The following CDC42 variants were observed in gnomAD, a reference collection of about 807,000 sequenced individuals.
CDC42 encodes cell division cycle 42.
A neutral mutation model predicts 20.8 loss-of-function variants in CDC42; 1 was observed. The observed-to-expected ratio is 0.05, with a 90% CI of 0.02 to 0.23. The LOEUF (loss-of-function observed/expected upper bound fraction) is 0.23. Among genes scored for constraint, CDC42 ranks in the 10% least tolerant of loss-of-function variants. The probability of loss-of-function intolerance (pLI) is 1.00; values close to 1 mark genes in which losing one functional copy is unlikely to be tolerated. For synonymous variants in CDC42, 72 were observed against 84.8 expected (o/e 0.85, Z 0.83); for missense variants, 49 against 227.9 (o/e 0.21, Z 5.05).
At chr1:22,091,292 T>C in intron 5 of CDC42, 136 bp from the exon 6 acceptor site, 1 of 603,776 alleles carries the variant, frequency 1.7e-6, no homozygotes, top group Non-Finnish European at 3.0e-6. Context: ...AGTGAGATTA[T>C]TGTGTTGAGA....
intron 1 of CDC42, among the ~76,000 whole-genome samples, chr1:22,058,592 C>G (rs578164282): frequency 6.6e-6 from 1 of 151,596 alleles, no homozygotes; most frequent in African/African-American, 2.4e-5. Context: ...AAGTGATTCT[C>G]CTGCCTCAAC....
chr1:22,090,102 A>G lies in CDC42; in HGVS notation c.487-1326A>G, dbSNP rs1440127840. ...ACTGTAGAAAGATCGTTTAAAAACA[A>G]AGGAATAAAACCATCCTGTTTGAAA... On this transcript the variant is annotated intron_variant, in intron 5 of 5. Transcript: ENST00000656825. 21 of 1,568,020 alleles carry G rather than the reference A, an allele frequency of 1.3e-5. 1 individual carries two copies. The Admixed American group carries it at 3.1e-4, about 23-fold the overall frequency.
At chr1:22,071,151 C>T (rs925372008) in intron 1 of CDC42, among the ~76,000 whole-genome samples, 17 of 147,212 alleles carry the variant, frequency 1.2e-4, no homozygotes, top group African/African-American at 3.3e-4. Flanking sequence ...TCACGCCATT[C>T]TCCTGCCTCA....
At chr1:22,073,406 G>T (rs1468634817) in intron 1 of CDC42, among the ~76,000 whole-genome samples, 3 of 151,966 alleles carry the variant, frequency 2.0e-5, no homozygotes, top group East Asian at 3.9e-4. Flanking sequence ...AGACATGGTG[G>T]TGCGTGCCTG....
At chr1:22,059,000 AT>A (rs1645334150) in intron 1 of CDC42, among the ~76,000 whole-genome samples, 1 of 30,300 alleles carries the variant, frequency 3.3e-5, no homozygotes, top group African/African-American at 2.2e-4. Flanking sequence ...ATATATATAT[AT>A]TTTTGTAGAG....
intron 2 of CDC42, among the ~76,000 whole-genome samples, chr1:22,080,208 A>C (rs977665227): frequency 5.9e-5 from 9 of 152,234 alleles, no homozygotes; most frequent in Non-Finnish European, 1.3e-4. Context: ...TACTTAGCGT[A>C]ATTACACTAG....
chr1:22,067,587 C>T (rs536018465), intron 1 of CDC42, among the ~76,000 whole-genome samples: 10 of 152,270 alleles, frequency 6.6e-5, no homozygotes, highest in African/African-American at 7.2e-5. Context: ...TCAGATGATC[C>T]GCCTGCCTCG....
chr1:22,069,780 T>G (rs868828905), intron 1 of CDC42, among the ~76,000 whole-genome samples: 1 of 149,092 alleles, frequency 6.7e-6, no homozygotes, highest in Non-Finnish European at 1.5e-5. Flanking sequence ...GTAGAGGTTT[T>G]TTTGTTTGTT....
intron 5 of CDC42, chr1:22,090,115 A>G (rs1405778160): frequency 6.6e-7 from 1 of 1,514,086 alleles, no homozygotes; most frequent in Non-Finnish European, 8.9e-7. Context: ...GAATAAAACC[A>G]TCCTGTTTGA....
At chr1:22,061,137 T>G (rs775769516) in intron 1 of CDC42, among the ~76,000 whole-genome samples, 9 of 152,150 alleles carry the variant, frequency 5.9e-5, no homozygotes, top group Non-Finnish European at 8.8e-5. Flanking sequence ...CCGGGCAGAG[T>G]GGCTCACGCC....
chr1:22,054,621 G>T (rs1645275139), intron 1 of CDC42, among the ~76,000 whole-genome samples: 1 of 151,956 alleles, frequency 6.6e-6, no homozygotes, highest in Admixed American at 6.6e-5. Flanking sequence ...CTTTCCCACT[G>T]TTTCTCATTT....
chr1:22,072,091 C>CTTTTT (rs55929932), intron 1 of CDC42, among the ~76,000 whole-genome samples: 1 of 70,810 alleles, frequency 1.4e-5, no homozygotes, highest in Non-Finnish European at 2.4e-5. Flanking sequence ...TTTTACTTAC[C>CTTTTT]TTTTTTTTTT....
In CDC42 at chr1:22,055,353, A is replaced by T. The variant is rs527902010; in HGVS notation, c.-51+2611A>T. Among the ~76,000 whole-genome samples, 12 of 149,386 alleles carry T rather than the reference A, an allele frequency of 8.0e-5. No individual in the cohort carries two copies. In the East Asian group the frequency reaches 2.3e-3, roughly 29 times the overall value. ...GTAATTTCTTCAAGACCAGAAAGGTATCACATCCTCTGTTTATACTCTTAA... is the reference window on the plus strand; with the variant it reads ...GTAATTTCTTCAAGACCAGAAAGGTTTCACATCCTCTGTTTATACTCTTAA... On this transcript the variant is annotated intron_variant, in intron 1 of 5. Transcript: ENST00000656825.
intron 1 of CDC42, among the ~76,000 whole-genome samples, chr1:22,067,709 T>A (rs1374265308): frequency 6.6e-6 from 1 of 152,088 alleles, no homozygotes; most frequent in East Asian, 1.9e-4. Flanking sequence ...CTCTGGGGTG[T>A]CTTATAAGGC....
chr1:22,091,910 G>T lies in CDC42; in HGVS notation c.*393G>T. 6.5e-6 allele frequency: 1 copy of T among 153,894 alleles called. No individual in the cohort carries two copies. The allele number at this position is 153,894 out of a possible 1,614,324, so 9.5% of individuals were successfully genotyped here. ...TGGTTCCACTCTGGAGAGTAATCTG[G>T]GACATCTTAGTGTTTTGTTTTGTTT... On this transcript the variant is annotated 3_prime_UTR_variant, in exon 6 of 6. Coordinates refer to ENST00000656825, the MANE Select transcript of CDC42 (RefSeq NM_001791.4).
intron 1 of CDC42, among the ~76,000 whole-genome samples, chr1:22,077,154 C>CT (rs1366435868): frequency 6.6e-5 from 10 of 151,952 alleles, no homozygotes; most frequent in Admixed American, 3.3e-4. Flanking sequence ...AAAACCCTGT[C>CT]TAAAAAAAAG....
intron 3 of CDC42, among the ~76,000 whole-genome samples, chr1:22,082,324 C>G (rs746010650): frequency 6.6e-6 from 1 of 152,166 alleles, no homozygotes; most frequent in Admixed American, 6.5e-5. Flanking sequence ...TAGTTTCTTA[C>G]GATAGATAGC....
At chr1:22,065,017 G>A (rs1213180808) in intron 1 of CDC42, among the ~76,000 whole-genome samples, 4 of 152,214 alleles carry the variant, frequency 2.6e-5, no homozygotes, top group Non-Finnish European at 2.9e-5. Context: ...CACGTTGATA[G>A]TAAGAGTTCA....
intron 1 of CDC42, among the ~76,000 whole-genome samples, chr1:22,061,704 C>G (rs974801695): frequency 6.7e-6 from 1 of 150,220 alleles, no homozygotes; most frequent in Non-Finnish European, 1.5e-5. Flanking sequence ...CCACCATGCC[C>G]GGCTAATTTT....
Sources: gnomAD v4.1 joint callset for allele counts (sites outside exome capture counted in the v4.1 genomes callset) on GRCh38, gnomAD v4.1.1 for gene constraint, MANE v1.5 for transcripts, NCBI Gene and HGNC (gene_info 2026-07-23, HGNC 2026-07-21) for gene names.